TMCO4: variants seen among roughly 807,000 people sequenced by gnomAD.
The protein encoded by TMCO4 is transmembrane and coiled-coil domains 4.
TMCO4 carries 58 observed loss-of-function variants against 64.7 expected under a neutral mutation model. The observed-to-expected ratio is 0.90, with a 90% CI of 0.73 to 1.12. The LOEUF (loss-of-function observed/expected upper bound fraction) is 1.12. Among genes scored for constraint, TMCO4 ranks in the 50% most tolerant of loss-of-function variants. The probability of loss-of-function intolerance (pLI) is 0.00; values close to 1 mark genes in which losing one functional copy is unlikely to be tolerated. For synonymous variants in TMCO4, 325 were observed against 346.1 expected, an observed-to-expected ratio of 0.94 and a Z score of 0.68; for missense variants, 780 against 825.9, an observed-to-expected ratio of 0.94 and a Z score of 0.68.
At chr1:19,752,763 C>T (rs912041354) in intron 7 of TMCO4, among the ~76,000 whole-genome samples, 2 of 152,006 alleles carry the variant, frequency 1.3e-5, no homozygotes, top group African/African-American at 4.8e-5. Flanking sequence ...TCAGATGCTG[C>T]TGGCCAGCCA....
At chr1:19,705,524 A>T (rs2095298278) in intron 13 of TMCO4, among the ~76,000 whole-genome samples, 1 of 151,896 alleles carries the variant, frequency 6.6e-6, no homozygotes, top group African/African-American at 2.4e-5. Context: ...ATAAAAAAAT[A>T]AAAAAAAGAA....
intron 6 of TMCO4, among the ~76,000 whole-genome samples, chr1:19,764,031 G>C (rs2042622600): frequency 1.3e-5 from 2 of 152,312 alleles, no homozygotes; most frequent in South Asian, 4.2e-4. Context: ...GAGCAGAGGG[G>C]AGAGAGGAGG....
chr1:19,788,521 A>T (rs1447562720), intron 2 of TMCO4, among the ~76,000 whole-genome samples: 1 of 152,166 alleles, frequency 6.6e-6, no homozygotes, highest in African/African-American at 2.4e-5. Context: ...TCTGTGTTTT[A>T]TGAATTATTA....
chr1:19,780,983 G>A (rs1191259050), intron 3 of TMCO4, among the ~76,000 whole-genome samples: 1 of 151,994 alleles, frequency 6.6e-6, no homozygotes, highest in African/African-American at 2.4e-5. Context: ...TCTATACACA[G>A]TATCCAAACA....
In TMCO4 at chr1:19,740,941, C is replaced by A; in HGVS notation, c.878G>T (p.Arg293Leu). Residue 293 changes from arginine to leucine, a missense_variant and splice_region_variant, in exon 11 of 16, where the codon CGC becomes CTC. Coordinates refer to ENST00000294543, the MANE Select transcript of TMCO4 (RefSeq NM_181719.7). ...GGCAGCCCACGGGGCACTGAAGGTG[C>A]CTGGGGAGATCACAGGTAGGTGAAG... ...VTGWLASGKY[R>L]TFSAPWAALA... The A allele has an allele frequency of 6.3e-7, 1 of 1,598,900 alleles. No homozygotes were observed. The highest frequency in any genetic ancestry group is 1.1e-5 in the South Asian group (1 of 89,322).
chr1:19,716,385 T>C (rs982071065), intron 13 of TMCO4, among the ~76,000 whole-genome samples: 49 of 147,830 alleles, frequency 3.3e-4, no homozygotes, highest in African/African-American at 8.7e-4. Flanking sequence ...TTCTTTCTTT[T>C]TTTTTTTTTT....
At chr1:19,713,293 T>A (rs141536964) in intron 13 of TMCO4, among the ~76,000 whole-genome samples, 96 of 152,282 alleles carry the variant, frequency 6.3e-4, no homozygotes, top group African/African-American at 2.2e-3. Context: ...ACAATATGTC[T>A]GAAACACTGC....
At chr1:19,731,774 G>A (rs554969381) in intron 13 of TMCO4, among the ~76,000 whole-genome samples, 1 of 152,284 alleles carries the variant, frequency 6.6e-6, no homozygotes, top group Admixed American at 6.5e-5. Context: ...CTCTGCTCTG[G>A]TCCCCACCAG....
intron 15 of TMCO4, among the ~76,000 whole-genome samples, chr1:19,685,553 T>G (rs960135796): frequency 1.3e-5 from 2 of 152,156 alleles, no homozygotes; most frequent in African/African-American, 4.8e-5. Flanking sequence ...TAGTAGGTCC[T>G]TAATACATTG....
chr1:19,751,776 TG>T, intron 7 of TMCO4, among the ~76,000 whole-genome samples: 1 of 152,294 alleles, frequency 6.6e-6, no homozygotes, highest in South Asian at 2.1e-4. Flanking sequence ...GGGCCGGGCG[TG>T]GTGGCTCGCG....
chr1:19,782,134 A>G (rs1342731201), intron 3 of TMCO4, among the ~76,000 whole-genome samples: 2 of 152,236 alleles, frequency 1.3e-5, no homozygotes, highest in African/African-American at 4.8e-5. Context: ...TTCATTCACA[A>G]TAGTCCCAAA....
chr1:19,697,797 C>G (rs1343602324), intron 14 of TMCO4, among the ~76,000 whole-genome samples: 2 of 143,352 alleles, frequency 1.4e-5, no homozygotes, highest in Non-Finnish European at 3.0e-5. Context: ...TTTTTGTGGA[C>G]ACAGGTTTTG....
intron 13 of TMCO4, among the ~76,000 whole-genome samples, chr1:19,713,948 T>C (rs1478143907): frequency 6.6e-6 from 1 of 152,106 alleles, no homozygotes; most frequent in Non-Finnish European, 1.5e-5. Flanking sequence ...TTATTATTAT[T>C]ATTTTTGAGA....
chr1:19,745,080 G>C (rs2041705545), intron 10 of TMCO4, among the ~76,000 whole-genome samples: 1 of 151,174 alleles, frequency 6.6e-6, no homozygotes, highest in African/African-American at 2.4e-5. Flanking sequence ...AGGTAGAAGG[G>C]TGGATGGATG....
At chr1:19,683,656 G>A (rs550303699) in intron 15 of TMCO4, among the ~76,000 whole-genome samples, 3 of 151,274 alleles carry the variant, frequency 2.0e-5, no homozygotes, top group East Asian at 4.0e-4. Context: ...ATTAAATAAA[G>A]ATGAAGGATG....
chr1:19,699,846 G>A (rs980628229), intron 14 of TMCO4, among the ~76,000 whole-genome samples: 9 of 152,106 alleles, frequency 5.9e-5, no homozygotes, highest in Non-Finnish European at 1.0e-4. Flanking sequence ...TCATGTGCAC[G>A]AGCATGTACA....
At chr1:19,698,186 A>C (rs1253140687) in intron 14 of TMCO4, among the ~76,000 whole-genome samples, 1 of 152,160 alleles carries the variant, frequency 6.6e-6, no homozygotes, top group Admixed American at 6.5e-5. Context: ...CAAGGCCTCG[A>C]GCCACCTGTG....
intron 13 of TMCO4, among the ~76,000 whole-genome samples, chr1:19,708,413 A>C (rs1188790421): frequency 6.6e-6 from 1 of 152,084 alleles, no homozygotes; most frequent in Non-Finnish European, 1.5e-5. Context: ...AAAAAAAAAA[A>C]AACCCAAGAG....
intron 13 of TMCO4, among the ~76,000 whole-genome samples, chr1:19,722,329 A>G (rs1366744781): frequency 6.6e-6 from 1 of 152,256 alleles, no homozygotes; most frequent in Non-Finnish European, 1.5e-5. Context: ...CTGAGTGTTA[A>G]GTGCCCTTTA....
Sources: gnomAD v4.1 joint callset for allele counts (sites outside exome capture counted in the v4.1 genomes callset) on GRCh38, gnomAD v4.1.1 for gene constraint, MANE v1.5 for transcripts, NCBI Gene and HGNC (gene_info 2026-07-23, HGNC 2026-07-21) for gene names.